Variants in SNTG2 observed in about 807,000 individuals in gnomAD.
SNTG2 encodes the protein syntrophin gamma 2, also known as gamma-2-syntrophin.
In SNTG2, 74 loss-of-function variants were observed where a neutral mutation model predicts 70.9. The observed-to-expected ratio is 1.04, with a 90% confidence interval of 0.86 to 1.27. The LOEUF (loss-of-function observed/expected upper bound fraction) is 1.27, where lower values mean the gene tolerates loss of function less well. SNTG2 is among the 50% of genes most tolerant of loss of function. SNTG2 has a pLI of 0.00. For synonymous variants in SNTG2, 278 were observed against 273.8 expected (o/e 1.02, Z -0.15); for missense variants, 717 against 690.7 (o/e 1.04, Z -0.43).
In SNTG2 at chr2:1,006,117, A is replaced by G. The variant is rs995884314; in HGVS notation, c.72+55049A>G. ...CTCACTCATAGGTGGGAATTGAACA[A>G]TGAGATCACATGGACACAGGAAGGG... is the stretch of plus-strand genomic sequence containing the variant. On this transcript the variant is annotated intron_variant, in intron 1 of 16. Coordinates refer to ENST00000308624, the MANE Select transcript of SNTG2 (RefSeq NM_018968.4). Among the ~76,000 whole-genome samples, 6 of 141,000 alleles carry G rather than the reference A, an allele frequency of 4.3e-5. No homozygotes were observed. The East Asian group carries it at 6.6e-4, about 16-fold the overall frequency. 92.5% of individuals were successfully genotyped at this position (141,000 alleles called of 152,430 possible).
At chr2:1,225,585 TGGCAGGAAACATTGACGGGC>T (rs1250753318) in intron 9 of SNTG2, among the ~76,000 whole-genome samples, 8 of 152,186 alleles carry the variant, frequency 5.3e-5, no homozygotes, top group Non-Finnish European at 1.2e-4. Flanking sequence ...AGCTTACGGT[TGGCAGGAAACATTGACGGGC>T]GGCTCTTTGA....
chr2:1,133,441 T>TA (rs1192969951), intron 4 of SNTG2, among the ~76,000 whole-genome samples: 4 of 152,216 alleles, frequency 2.6e-5, no homozygotes, highest in African/African-American at 9.6e-5. Flanking sequence ...GCAAGTATAA[T>TA]AAAGTATTAC....
chr2:1,221,410 T>C, intron 9 of SNTG2, among the ~76,000 whole-genome samples: 4 of 150,282 alleles, frequency 2.7e-5, no homozygotes, highest in Admixed American at 6.6e-5. Flanking sequence ...TCCCTCTCAG[T>C]CTCTGGTTTT....
chr2:1,353,390 G>C lies in SNTG2; in HGVS notation c.1489-13953G>C, dbSNP rs1180372188. On this transcript the variant is annotated intron_variant, in intron 16 of 16. Transcript: ENST00000308624. This position sits in a 1 kb window ranked among gnomAD's most constrained non-coding sequence, Gnocchi z 4.2. Reference sequence around the variant, plus strand: ...CCGCAAGTGTGGAATTGAGTTCCGGGGTGTGGCTGTTCCTCGTGATTGTTG... The same window carrying C: ...CCGCAAGTGTGGAATTGAGTTCCGGCGTGTGGCTGTTCCTCGTGATTGTTG... Among the ~76,000 whole-genome samples, 1 of 152,122 alleles carries C rather than the reference G, an allele frequency of 6.6e-6. No homozygotes were observed. Among genetic ancestry groups the C allele is most frequent in the African/African-American group, 2.4e-5 (1 of 41,416 alleles).
intron 16 of SNTG2, among the ~76,000 whole-genome samples, chr2:1,356,492 A>G (rs1031945630): frequency 6.6e-6 from 1 of 152,148 alleles, no homozygotes; most frequent in African/African-American, 2.4e-5. Flanking sequence ...TCACCTGACA[A>G]TGTAGGTATA....
chr2:1,296,883 G>T, intron 14 of SNTG2, among the ~76,000 whole-genome samples: 1 of 152,200 alleles, frequency 6.6e-6, no homozygotes, highest in East Asian at 1.9e-4. Context: ...AGCACAGGTA[G>T]CAATGCCCAT....
At chr2:981,923 C>T (rs765473828) in intron 1 of SNTG2, among the ~76,000 whole-genome samples, 132 of 152,094 alleles carry the variant, frequency 8.7e-4, no homozygotes, top group Admixed American at 1.8e-3. Context: ...CACACAGATG[C>T]ACACTCACAT....
At chr2:1,113,117 A>G (rs1181684291) in intron 4 of SNTG2, among the ~76,000 whole-genome samples, 1 of 61,456 alleles carries the variant, frequency 1.6e-5, no homozygotes, top group African/African-American at 3.7e-5. Flanking sequence ...CGTGTGTACT[A>G]AGTGAGGTTT....
chr2:1,172,980 C>A (rs1671225808), intron 7 of SNTG2, 112 bp from the exon 8 acceptor site: 2 of 891,790 alleles, frequency 2.2e-6, no homozygotes, highest in Non-Finnish European at 3.6e-6. Flanking sequence ...GGACACCAGG[C>A]ATTTTGGTGC....
chr2:1,284,515 C>A (rs1248428492), intron 14 of SNTG2, among the ~76,000 whole-genome samples: 1 of 152,146 alleles, frequency 6.6e-6, no homozygotes, highest in Non-Finnish European at 1.5e-5. Context: ...GAAAAACTTA[C>A]AAAACCACCC....
At chr2:1,001,588 A>G (rs894994614) in intron 1 of SNTG2, among the ~76,000 whole-genome samples, 1 of 152,016 alleles carries the variant, frequency 6.6e-6, no homozygotes, top group African/African-American at 2.4e-5. Context: ...AAGAAAAACT[A>G]TGAAGCACTG....
At chr2:1,100,686 G>GA (rs1028821439) in intron 4 of SNTG2, among the ~76,000 whole-genome samples, 2 of 152,124 alleles carry the variant, frequency 1.3e-5, no homozygotes, top group Non-Finnish European at 2.9e-5. Flanking sequence ...ATGGATAGTG[G>GA]AAAGAAGGCA....
chr2:1,159,845 T>A (rs13423423), intron 6 of SNTG2, among the ~76,000 whole-genome samples: 22,007 of 152,162 alleles, frequency 0.14, 1,970 homozygotes, highest in East Asian at 0.43. Flanking sequence ...CTGAAAAGAC[T>A]GATGAAGAAA....
At chr2:1,189,064 G>A (rs1267150694) in intron 8 of SNTG2, among the ~76,000 whole-genome samples, 2 of 151,980 alleles carry the variant, frequency 1.3e-5, no homozygotes, top group East Asian at 3.9e-4. Flanking sequence ...TAAAAATGCA[G>A]CCAAATACAC....
intron 4 of SNTG2, among the ~76,000 whole-genome samples, chr2:1,114,997 C>G (rs547409118): frequency 6.6e-6 from 1 of 150,632 alleles, no homozygotes; most frequent in African/African-American, 2.4e-5. Context: ...TTAATCCTTA[C>G]AGTCCTTTGA....
intron 1 of SNTG2, among the ~76,000 whole-genome samples, chr2:961,074 A>G (rs1328600147): frequency 6.6e-6 from 1 of 152,246 alleles, no homozygotes; most frequent in Non-Finnish European, 1.5e-5. Flanking sequence ...GTTGATATAA[A>G]TCTTTATCTT....
chr2:1,313,333 C>A (rs1572965942), intron 15 of SNTG2, among the ~76,000 whole-genome samples: 1 of 152,210 alleles, frequency 6.6e-6, no homozygotes, highest in African/African-American at 2.4e-5. Flanking sequence ...GGCTTCCCTT[C>A]AGCTTTTATC....
chr2:1,282,302 A>C (rs1441289699), intron 14 of SNTG2, among the ~76,000 whole-genome samples: 1 of 152,164 alleles, frequency 6.6e-6, no homozygotes, highest in Non-Finnish European at 1.5e-5. Flanking sequence ...CCATACTACT[A>C]GCACAATATA....
intron 16 of SNTG2, among the ~76,000 whole-genome samples, chr2:1,352,571 G>C (rs1434924930): frequency 6.6e-6 from 1 of 152,220 alleles, no homozygotes; most frequent in African/African-American, 2.4e-5. Context: ...CAGCCTCCCA[G>C]GAAATGCTGT....
Sources: gnomAD v4.1 joint callset for allele counts (sites outside exome capture counted in the v4.1 genomes callset) on GRCh38, gnomAD v4.1.1 for gene constraint, Gnocchi (gnomAD v3.1) non-coding constraint, MANE v1.5 for transcripts, NCBI Gene and HGNC (gene_info 2026-07-23, HGNC 2026-07-21) for gene names.